Variants in CATSPERT observed in about 807,000 individuals in gnomAD.
The protein encoded by CATSPERT is catsper channel auxiliary subunit tau, also known as cation channel sperm-associated targeting subunit tau.
the CATSPERT span, among the ~76,000 whole-genome samples, chr2:201,612,352 T>A: frequency 6.6e-6 from 1 of 151,932 alleles, no homozygotes; most frequent in Non-Finnish European, 1.5e-5. Context: ...GGTGGGTGGA[T>A]CACCTGAGGT....
chr2:201,562,769 C>T, the CATSPERT span, among the ~76,000 whole-genome samples: 6 of 122,906 alleles, frequency 4.9e-5, no homozygotes, highest in Admixed American at 1.7e-4. Context: ...CATCTTGCAC[C>T]GCCCTTAATC....
the CATSPERT span, among the ~76,000 whole-genome samples, chr2:201,542,423 G>C: frequency 6.6e-6 from 1 of 152,186 alleles, no homozygotes; most frequent in Admixed American, 6.5e-5. Context: ...TTATCTATTT[G>C]TCATTTTTTT....
the CATSPERT span, among the ~76,000 whole-genome samples, chr2:201,598,172 G>A: frequency 1.3e-5 from 2 of 152,148 alleles, no homozygotes; most frequent in African/African-American, 2.4e-5. Flanking sequence ...TAGGATCATG[G>A]CTCACTGCAG....
chr2:201,595,924 A>C, the CATSPERT span, among the ~76,000 whole-genome samples: 1 of 5,832 alleles, frequency 1.7e-4, no homozygotes, highest in Non-Finnish European at 1.2e-3. Flanking sequence ...AAAAAAAAAA[A>C]ACAGATGCTG....
chr2:201,505,620 A>AAAC, the CATSPERT span, among the ~76,000 whole-genome samples: 35 of 151,450 alleles, frequency 2.3e-4, no homozygotes, highest in Non-Finnish European at 4.7e-4. Flanking sequence ...GTCATGTTAA[A>AAAC]AACAACAACA....
the CATSPERT span, among the ~76,000 whole-genome samples, chr2:201,609,710 T>C: frequency 1.3e-5 from 2 of 152,166 alleles, no homozygotes; most frequent in Admixed American, 6.5e-5. Flanking sequence ...GGGAAGATTA[T>C]AGCAGTAAGC....
the CATSPERT span, chr2:201,619,036 C>T: frequency 2.5e-6 from 4 of 1,614,170 alleles, no homozygotes; most frequent in African/African-American, 1.3e-5. Context: ...GTAGGGATTC[C>T]TCTGCAATAG....
chr2:201,533,237 T>C, the CATSPERT span, among the ~76,000 whole-genome samples: 1 of 152,194 alleles, frequency 6.6e-6, no homozygotes, highest in Non-Finnish European at 1.5e-5. Flanking sequence ...AAGACACATA[T>C]GTGAAATTTC....
chr2:201,524,866 A>C, the CATSPERT span, among the ~76,000 whole-genome samples: 1 of 152,222 alleles, frequency 6.6e-6, no homozygotes, highest in Non-Finnish European at 1.5e-5. Flanking sequence ...AAAAAAAGAC[A>C]AAGTAAGACA....
At chr2:201,515,202 G>GTTTTTTTTTTTTTTTTTTTT in the CATSPERT span, among the ~76,000 whole-genome samples, 14 of 24,656 alleles carry the variant, frequency 5.7e-4, 5 homozygotes, top group African/African-American at 2.5e-3. Flanking sequence ...TCTGCCCATA[G>GTTTTTTTTTTTTTTTTTTTT]TTTTTTTTTT....
At chr2:201,542,999 C>T in the CATSPERT span, among the ~76,000 whole-genome samples, 1 of 152,152 alleles carries the variant, frequency 6.6e-6, no homozygotes, top group Non-Finnish European at 1.5e-5. Context: ...ACATTTAAGT[C>T]ATTAATCCAT....
the CATSPERT span, among the ~76,000 whole-genome samples, chr2:201,541,711 T>A: frequency 2.8e-4 from 43 of 151,786 alleles, no homozygotes; most frequent in African/African-American, 1.0e-3. Flanking sequence ...TTCTCATGTC[T>A]CAGCCTCCTG....
the CATSPERT span, among the ~76,000 whole-genome samples, chr2:201,526,635 T>C: frequency 1.3e-5 from 2 of 152,202 alleles, no homozygotes; most frequent in Admixed American, 1.3e-4. Flanking sequence ...AATCAATAAA[T>C]GTGATTCATC....
chr2:201,557,616 C>T, the CATSPERT span: 1 of 152,170 alleles, frequency 6.6e-6, no homozygotes, highest in African/African-American at 2.4e-5. Flanking sequence ...TACTCCATTC[C>T]AGCACAGAAG....
At chr2:201,515,804 C>T in the CATSPERT span, among the ~76,000 whole-genome samples, 1 of 152,146 alleles carries the variant, frequency 6.6e-6, no homozygotes, top group South Asian at 2.1e-4. Flanking sequence ...CCGGATCCAC[C>T]CACCTGTGGC....
chr2:201,548,792 A>C, the CATSPERT span, among the ~76,000 whole-genome samples: 1 of 152,142 alleles, frequency 6.6e-6, no homozygotes, highest in African/African-American at 2.4e-5. Context: ...CATTACAAAT[A>C]AAATATAGTT....
chr2:201,606,716 T>C, the CATSPERT span, among the ~76,000 whole-genome samples: 2 of 152,076 alleles, frequency 1.3e-5, no homozygotes, highest in South Asian at 2.1e-4. Context: ...TTGGCCAACA[T>C]GGCGAAAACC....
the CATSPERT span, chr2:201,547,642 A>C: frequency 8.7e-7 from 1 of 1,145,208 alleles, no homozygotes; most frequent in Non-Finnish European, 1.2e-6. Context: ...GAATGAAAAA[A>C]GCAAGTGATA....
chr2:201,571,231 G>C, the CATSPERT span, among the ~76,000 whole-genome samples: 1 of 152,298 alleles, frequency 6.6e-6, no homozygotes, highest in Non-Finnish European at 1.5e-5. Flanking sequence ...AATAGATAAA[G>C]TATTTTAATG....
Sources: allele counts gnomAD v4.1 joint callset (sites outside exome capture counted in the v4.1 genomes callset), GRCh38; gene constraint gnomAD v4.1.1; transcripts MANE v1.5; gene names NCBI Gene and HGNC (gene_info 2026-07-23, HGNC 2026-07-21).